The following CRAMP1 variants were observed in gnomAD, a reference collection of about 807,000 sequenced individuals.
The protein encoded by CRAMP1 is cramped chromatin regulator 1.
A neutral mutation model predicts 115.4 loss-of-function variants in CRAMP1; 50 were observed. That is an observed-to-expected ratio of 0.43 (90% CI 0.35 to 0.55). The LOEUF (loss-of-function observed/expected upper bound fraction) is 0.55, where lower values mean the gene tolerates loss of function less well. CRAMP1 is among the 20% of genes least tolerant of loss of function. CRAMP1 has a pLI of 0.01. For missense variants in CRAMP1, 1,679 were observed against 1,721.7 expected (o/e 0.98, Z 0.44); for synonymous variants, 866 against 745.4 (o/e 1.16, Z -2.64).
At chr16:1,651,378 G>A (rs559867875) in intron 6 of CRAMP1, among the ~76,000 whole-genome samples, 1 of 151,782 alleles carries the variant, frequency 6.6e-6, no homozygotes, top group African/African-American at 2.4e-5. Context: ...TCACGGAAAG[G>A]TGGACTGAGA....
chr16:1,668,932 G>C (rs772241059), intron 18 of CRAMP1, 69 bp from the exon 19 acceptor site: 15 of 1,467,190 alleles, frequency 1.0e-5, no homozygotes, highest in Non-Finnish European at 1.4e-5. Flanking sequence ...TCCGTGGTGG[G>C]CTGGAGAAGT....
In CRAMP1 at chr16:1,672,569, T is replaced by C. The variant is rs2036930897; in HGVS notation, c.3646-1312T>C. 6.6e-6 allele frequency among the ~76,000 whole-genome samples: 1 copy of C among 152,152 alleles called. No individual in the cohort carries two copies. Among genetic ancestry groups the C allele is most frequent in the South Asian group, 2.1e-4 (1 of 4,830 alleles). ...CTTTGCTCTGCTTTTGAAAACAAATTTTAATTTGTCTGACATTTCCCATAA... is the reference window on the plus strand; with the variant it reads ...CTTTGCTCTGCTTTTGAAAACAAATCTTAATTTGTCTGACATTTCCCATAA... On this transcript the variant is annotated intron_variant, in intron 20 of 20. Transcript: ENST00000397412. This position sits in a 1 kb window ranked among gnomAD's most constrained non-coding sequence, Gnocchi z 4.9.
At chr16:1,659,478 C>T (rs1273252941) in intron 10 of CRAMP1, among the ~76,000 whole-genome samples, 1 of 152,080 alleles carries the variant, frequency 6.6e-6, no homozygotes, top group African/African-American at 2.4e-5. Context: ...GCAAGCTCCA[C>T]CTCCCAGGTT....
intron 13 of CRAMP1, among the ~76,000 whole-genome samples, chr16:1,664,081 G>A (rs1474531834): frequency 2.0e-5 from 3 of 152,162 alleles, no homozygotes; most frequent in Non-Finnish European, 4.4e-5. Flanking sequence ...TAGTCTCTCC[G>A]ACGCCAGTGT....
chr16:1,629,911 G>T (rs544081574), intron 3 of CRAMP1, among the ~76,000 whole-genome samples: 31 of 151,702 alleles, frequency 2.0e-4, no homozygotes, highest in African/African-American at 7.3e-4. Context: ...ACCTCCCTCA[G>T]CCCCTGTGTT....
At position 1,656,388 on chromosome 16, in the gene CRAMP1, C is replaced by T. The variant is rs995022425; in HGVS notation, c.1631C>T (p.Ala544Val). Residue 544 changes from alanine to valine, a missense_variant, in exon 10 of 21, where the codon GCC becomes GTC. By Grantham distance (64) the Ala-to-Val change is moderately conservative. Coordinates refer to ENST00000397412, the MANE Select transcript of CRAMP1 (RefSeq NM_020825.4). This position sits in a 1 kb window ranked among gnomAD's most constrained non-coding sequence, Gnocchi z 5.6. Reference sequence around the variant, plus strand: ...CGGGAGCCAGGGGCCTTGCCGTGTGCCTGTGGCCAGCTCCCAGACCTGGAG... The same window carrying T: ...CGGGAGCCAGGGGCCTTGCCGTGTGTCTGTGGCCAGCTCCCAGACCTGGAG... Reference protein sequence around the residue: ...PTREPGALPCACGQLPDLEDE... With the variant: ...PTREPGALPCVCGQLPDLEDE... 2 of 1,594,958 alleles carry T rather than the reference C, an allele frequency of 1.3e-6. No homozygotes were observed. Among genetic ancestry groups the T allele is most frequent in the Non-Finnish European group, 1.7e-6 (2 of 1,170,894 alleles).
intron 4 of CRAMP1, among the ~76,000 whole-genome samples, chr16:1,636,462 G>A (rs1222575308): frequency 6.6e-6 from 1 of 152,074 alleles, no homozygotes; most frequent in Non-Finnish European, 1.5e-5. Flanking sequence ...GAGAGCAGTT[G>A]GCCTGTGCTT....
intron 14 of CRAMP1, 25 bp downstream of exon 14, chr16:1,665,163 G>GT: frequency 1.3e-6 from 2 of 1,500,340 alleles, no homozygotes; most frequent in Non-Finnish European, 1.9e-6. Context: ...CTTTTCTGGG[G>GT]TAGCTTGTCC....
At chr16:1,618,465 T>C (rs2036439489) in intron 2 of CRAMP1, among the ~76,000 whole-genome samples, 1 of 152,072 alleles carries the variant, frequency 6.6e-6, no homozygotes, top group African/African-American at 2.4e-5. Flanking sequence ...CCGGGAATGC[T>C]GGTGCTCTGC....
At chr16:1,655,767 T>G (rs1297943821) in intron 9 of CRAMP1, 110 bp from the exon 10 acceptor site, 1 of 1,252,138 alleles carries the variant, frequency 8.0e-7, no homozygotes, top group Non-Finnish European at 1.1e-6. Context: ...GCATGATTTA[T>G]ACCCTGGGGG....
At chr16:1,613,170 G>T (rs942446869) in intron 1 of CRAMP1, among the ~76,000 whole-genome samples, 1 of 152,176 alleles carries the variant, frequency 6.6e-6, no homozygotes. Context: ...TGAGGGGGAA[G>T]AGTGGGAAGT....
intron 5 of CRAMP1, 64 bp from the exon 6 acceptor site, chr16:1,641,075 A>C (rs971808074): frequency 3.6e-6 from 4 of 1,111,596 alleles, no homozygotes; most frequent in Non-Finnish European, 5.5e-6. Flanking sequence ...ATTGTATGGG[A>C]ATCTTCAGTG....
intron 16 of CRAMP1, 149 bp from the exon 17 acceptor site, chr16:1,667,186 G>C: frequency 1.6e-6 from 1 of 639,380 alleles, no homozygotes. Flanking sequence ...CAGTGTTCTC[G>C]ACCTTAGACC....
intron 2 of CRAMP1, among the ~76,000 whole-genome samples, chr16:1,616,926 T>C (rs2142166624): frequency 6.6e-6 from 1 of 151,962 alleles, no homozygotes; most frequent in East Asian, 1.9e-4. Context: ...ACCATTCTCT[T>C]GCCTCAGCCT....
intron 6 of CRAMP1, among the ~76,000 whole-genome samples, chr16:1,649,161 G>C (rs377562732): frequency 3.8e-4 from 58 of 152,294 alleles, no homozygotes; most frequent in South Asian, 2.1e-3. Flanking sequence ...AGACAGAAAG[G>C]GGGTGAGGGC....
At chr16:1,613,698 A>G (rs2036386096) in intron 1 of CRAMP1, among the ~76,000 whole-genome samples, 1 of 152,154 alleles carries the variant, frequency 6.6e-6, no homozygotes, top group South Asian at 2.1e-4. Context: ...AAGTTGATGC[A>G]ATAATTTTAT....
chr16:1,673,154 A>G (rs1476534884), intron 20 of CRAMP1, among the ~76,000 whole-genome samples: 3 of 139,734 alleles, frequency 2.1e-5, no homozygotes, highest in African/African-American at 8.3e-5. Context: ...AGCTGTCCTC[A>G]TGTCTATGAC....
intron 6 of CRAMP1, among the ~76,000 whole-genome samples, chr16:1,651,237 C>G (rs1446953775): frequency 6.8e-6 from 1 of 146,730 alleles, no homozygotes; most frequent in Non-Finnish European, 1.5e-5. Flanking sequence ...CAGAGTTGGA[C>G]AGGTTACACA....
chr16:1,625,630 T>C (rs542735768), intron 2 of CRAMP1: 2 of 189,196 alleles, frequency 1.1e-5, no homozygotes, highest in African/African-American at 4.7e-5. Flanking sequence ...GCATGAAATG[T>C]GATGTGAGGC....
Sources: allele counts gnomAD v4.1 joint callset (sites outside exome capture counted in the v4.1 genomes callset), GRCh38; gene constraint gnomAD v4.1.1; non-coding constraint Gnocchi (gnomAD v3.1); transcripts MANE v1.5; gene names NCBI Gene and HGNC (gene_info 2026-07-23, HGNC 2026-07-21).